The following NAA11 variants were observed in gnomAD, a reference collection of about 807,000 sequenced individuals.
NAA11 encodes the protein N-alpha-acetyltransferase 11.
A neutral mutation model predicts 16.1 loss-of-function variants in NAA11; 15 were observed. The observed-to-expected ratio is 0.93, with a 90% CI of 0.62 to 1.44. The LOEUF (loss-of-function observed/expected upper bound fraction) is 1.44, where lower values mean the gene tolerates loss of function less well. NAA11 is among the 40% of genes most tolerant of loss of function. NAA11 has a pLI of 0.00. For missense variants in NAA11, 298 were observed against 291.3 expected (o/e 1.02, Z -0.17); for synonymous variants, 122 against 112.4 (o/e 1.09, Z -0.54).
At chr4:79,244,338 AG>A (rs11335362) in intron 2 of NAA11, among the ~76,000 whole-genome samples, 108,094 of 152,026 alleles carry the variant, frequency 0.71, 40,601 homozygotes, top group East Asian at 0.89. Flanking sequence ...AGTAATACTA[AG>A]CCATAGGCAT....
intron 2 of NAA11, among the ~76,000 whole-genome samples, chr4:79,279,581 A>G (rs1017997662): frequency 1.3e-5 from 2 of 152,004 alleles, no homozygotes; most frequent in Admixed American, 6.6e-5. Context: ...GGATATCTCA[A>G]CTCTGGGTCA....
chr4:79,203,598 A>T, the NAA11 span, among the ~76,000 whole-genome samples: 1 of 151,700 alleles, frequency 6.6e-6, no homozygotes, highest in Non-Finnish European at 1.5e-5. Flanking sequence ...CTGAGACCTA[A>T]GCAAAAGCTT....
intron 2 of NAA11, among the ~76,000 whole-genome samples, chr4:79,281,341 A>G (rs2109986831): frequency 6.6e-6 from 1 of 152,130 alleles, no homozygotes. Flanking sequence ...TGGCATAGAT[A>G]ATAAATACAT....
chr4:79,267,716 A>G (rs1722384713), intron 2 of NAA11, among the ~76,000 whole-genome samples: 1 of 152,110 alleles, frequency 6.6e-6, no homozygotes, highest in Admixed American at 6.6e-5. Flanking sequence ...GTGTGACACC[A>G]CAGGTAGAGT....
intron 2 of NAA11, among the ~76,000 whole-genome samples, chr4:79,239,830 A>G (rs1040981505): frequency 6.6e-6 from 1 of 152,176 alleles, no homozygotes; most frequent in Non-Finnish European, 1.5e-5. Context: ...CATGTTCTCT[A>G]GTGGTCAGTC....
At chr4:79,304,139 T>A (rs1031764194) in intron 1 of NAA11, among the ~76,000 whole-genome samples, 2 of 152,166 alleles carry the variant, frequency 1.3e-5, no homozygotes, top group African/African-American at 4.8e-5. Context: ...AAAATTAGAA[T>A]TGAGAAGATC....
At chr4:79,229,889 G>T (rs1046851964) in intron 2 of NAA11, among the ~76,000 whole-genome samples, 6 of 151,922 alleles carry the variant, frequency 3.9e-5, no homozygotes, top group Non-Finnish European at 7.4e-5. Flanking sequence ...ATACTATTCT[G>T]CCAATGGAAA....
chr4:79,217,936 T>C, the NAA11 span, among the ~76,000 whole-genome samples: 3 of 152,198 alleles, frequency 2.0e-5, no homozygotes, highest in Admixed American at 2.0e-4. Flanking sequence ...ATAATACATG[T>C]GTAGAAGTGT....
chr4:79,178,318 T>C, the NAA11 span, among the ~76,000 whole-genome samples: 1,109 of 152,328 alleles, frequency 7.3e-3, 16 homozygotes, highest in African/African-American at 0.023. Flanking sequence ...TTGCGTGCTC[T>C]GGGAAAACAT....
At chr4:79,303,106 A>ATATATG (rs1255568528) in intron 1 of NAA11, among the ~76,000 whole-genome samples, 4 of 124,868 alleles carry the variant, frequency 3.2e-5, no homozygotes, top group Non-Finnish European at 6.7e-5. Context: ...ATATATATAT[A>ATATATG]TATATATATA....
chr4:79,311,327 AAT>A (rs756770473), intron 1 of NAA11, among the ~76,000 whole-genome samples: 7 of 152,224 alleles, frequency 4.6e-5, no homozygotes, highest in Non-Finnish European at 1.0e-4. Context: ...AGTAATAAAA[AAT>A]ACTTTTTTTC....
chr4:79,281,189 G>T (rs552419145), intron 2 of NAA11, among the ~76,000 whole-genome samples: 21 of 151,680 alleles, frequency 1.4e-4, no homozygotes, highest in African/African-American at 4.4e-4. Context: ...CAGTCAAACA[G>T]CAAATGGCAA....
chr4:79,194,630 C>T, the NAA11 span, among the ~76,000 whole-genome samples: 6 of 152,142 alleles, frequency 3.9e-5, no homozygotes, highest in African/African-American at 1.4e-4. Context: ...CATGTATCAA[C>T]TAAGATTATA....
chr4:79,291,359 G>A (rs1453392300), intron 2 of NAA11, among the ~76,000 whole-genome samples: 3 of 151,880 alleles, frequency 2.0e-5, no homozygotes, highest in Non-Finnish European at 1.5e-5. Context: ...GCTACTAGGG[G>A]GTCTGAGGCA....
chr4:79,229,889 G>A, intron 2 of NAA11, among the ~76,000 whole-genome samples: 1 of 151,922 alleles, frequency 6.6e-6, no homozygotes, highest in African/African-American at 2.4e-5. Flanking sequence ...ATACTATTCT[G>A]CCAATGGAAA....
Position 79,297,137 on chromosome 4 carries a change from C to T in NAA11, c.*13-3023G>A, listed in dbSNP as rs532592168. Among the ~76,000 whole-genome samples the T allele has an allele frequency of 2.0e-5, 3 of 152,286 alleles. No homozygotes were observed. The East Asian group carries it at 5.8e-4, about 30-fold the overall frequency. On this transcript the variant is annotated intron_variant and NMD_transcript_variant, in intron 1 of 2. Coordinates refer to the NAA11 transcript ENST00000511542. ...CTGCATCCTGGCCATGCAGTTGCCGCTGTCGCCTGCCACCGTTGTGGGGAG... is the reference window on the plus strand; with the variant it reads ...CTGCATCCTGGCCATGCAGTTGCCGTTGTCGCCTGCCACCGTTGTGGGGAG...
In NAA11 at chr4:79,325,981, A is replaced by G. The variant is rs200004075; in HGVS notation, c.-104T>C. On this transcript the variant is annotated 5_prime_UTR_variant, in exon 1 of 2. Coordinates refer to ENST00000286794, the MANE Select transcript of NAA11 (RefSeq NM_032693.3). ...CCTCAGGAATCGAGTCCAGGGGGCT[A>G]ACACCACCGGGCTGAATCGTGTGGA... The G allele has an allele frequency of 6.1e-3, 5,864 of 963,484 alleles. 21 individuals are homozygous for G. The highest frequency in any genetic ancestry group is 7.9e-3 in the Non-Finnish European group (5,103 of 646,052). 59.7% of individuals were successfully genotyped at this position (963,484 alleles called of 1,614,324 possible). A position where few individuals can be genotyped will look rare whatever the true frequency, so the allele number is the denominator to read the frequency against.
chr4:79,248,818 G>A (rs1721915070), intron 2 of NAA11, among the ~76,000 whole-genome samples: 1 of 152,110 alleles, frequency 6.6e-6, no homozygotes. Flanking sequence ...CAGGAGACTG[G>A]CACTGCACTG....
At chr4:79,247,569 A>G (rs1402225824) in intron 2 of NAA11, among the ~76,000 whole-genome samples, 1 of 152,182 alleles carries the variant, frequency 6.6e-6, no homozygotes, top group Admixed American at 6.5e-5. Flanking sequence ...CCAACTAAAT[A>G]CAGCCAGGAG....
Sources: gnomAD v4.1 joint callset for allele counts (sites outside exome capture counted in the v4.1 genomes callset) on GRCh38, gnomAD v4.1.1 for gene constraint, MANE v1.5 for transcripts, NCBI Gene and HGNC (gene_info 2026-07-23, HGNC 2026-07-21) for gene names.